GLIS3: variants seen among roughly 807,000 people sequenced by gnomAD.
The protein encoded by GLIS3 is GLIS family zinc finger 3.
A neutral mutation model predicts 78.6 loss-of-function variants in GLIS3; 53 were observed. That is an observed-to-expected ratio of 0.67 (90% CI 0.54 to 0.85). The LOEUF (loss-of-function observed/expected upper bound fraction) is 0.85, where lower values mean the gene tolerates loss of function less well. GLIS3 is among the 40% of genes least tolerant of loss of function. The probability of loss-of-function intolerance (pLI) is 0.00; values close to 1 mark genes in which losing one functional copy is unlikely to be tolerated. For synonymous variants in GLIS3, 684 were observed against 509.9 expected (o/e 1.34, Z -4.60); for missense variants, 1,703 against 1,231.1 (o/e 1.38, Z -5.74).
intron 4 of GLIS3, among the ~76,000 whole-genome samples, chr9:4,057,206 C>A (rs1189516036): frequency 6.6e-6 from 1 of 152,114 alleles, no homozygotes; most frequent in Non-Finnish European, 1.5e-5. Context: ...GCCATGCAGT[C>A]CCATCGGCCC....
At chr9:4,334,359 G>T (rs963601319) in intron 2 of GLIS3, among the ~76,000 whole-genome samples, 25 of 152,194 alleles carry the variant, frequency 1.6e-4, no homozygotes, top group African/African-American at 6.0e-4. Flanking sequence ...CAGCTACAGA[G>T]TATGTGGGTA....
At chr9:3,856,458 G>C (rs1819798254) in intron 8 of GLIS3, among the ~76,000 whole-genome samples, 1 of 152,164 alleles carries the variant, frequency 6.6e-6, no homozygotes, top group African/African-American at 2.4e-5. Context: ...TTTCTAAGCT[G>C]CATTTCAAAT....
chr9:3,830,595 C>A (rs1817989155), intron 9 of GLIS3, among the ~76,000 whole-genome samples: 1 of 152,128 alleles, frequency 6.6e-6, no homozygotes. Context: ...TATCACTATT[C>A]TGGTTTTGAT....
chr9:4,283,257 TTTTG>T (rs1827712598), intron 2 of GLIS3, among the ~76,000 whole-genome samples: 1 of 81,964 alleles, frequency 1.2e-5, no homozygotes, highest in Admixed American at 1.4e-4. Context: ...TGTGCTGTTT[TTTTG>T]TTTTTTTGTT....
intron 6 of GLIS3, among the ~76,000 whole-genome samples, chr9:3,914,573 T>A (rs1166042879): frequency 6.6e-6 from 1 of 152,212 alleles, no homozygotes; most frequent in East Asian, 1.9e-4. Context: ...TGAGCAATCC[T>A]TCCAATAGGA....
the GLIS3 span, among the ~76,000 whole-genome samples, chr9:4,474,566 G>A: frequency 6.6e-6 from 1 of 152,140 alleles, no homozygotes; most frequent in African/African-American, 2.4e-5. Flanking sequence ...ATAGATTTTA[G>A]ATTGAAATGA....
intron 4 of GLIS3, among the ~76,000 whole-genome samples, chr9:4,062,088 C>A (rs1201888106): frequency 6.6e-6 from 1 of 152,236 alleles, no homozygotes; most frequent in Non-Finnish European, 1.5e-5. Context: ...GACTGAATTA[C>A]TTCCTTGCCA....
At chr9:4,119,731 ATTC>A (rs1231889716) in intron 3 of GLIS3, among the ~76,000 whole-genome samples, 7 of 152,162 alleles carry the variant, frequency 4.6e-5, no homozygotes, top group Admixed American at 6.5e-5. Context: ...TTCCTCTCCT[ATTC>A]TTCTTACCCT....
intron 2 of GLIS3, among the ~76,000 whole-genome samples, chr9:4,147,924 A>G (rs1834356513): frequency 6.6e-6 from 1 of 152,216 alleles, no homozygotes; most frequent in Non-Finnish European, 1.5e-5. Flanking sequence ...CACAAAGGTA[A>G]GTCAACTTAC....
intron 2 of GLIS3, among the ~76,000 whole-genome samples, chr9:4,328,291 C>A (rs934727192): frequency 2.6e-5 from 4 of 152,178 alleles, no homozygotes; most frequent in African/African-American, 9.7e-5. Flanking sequence ...GCTGTGGCCC[C>A]TGAAGAAGAG....
At chr9:4,255,862 G>C (rs376112740) in intron 2 of GLIS3, among the ~76,000 whole-genome samples, 7 of 152,032 alleles carry the variant, frequency 4.6e-5, no homozygotes, top group African/African-American at 1.7e-4. Context: ...TATGGACTCT[G>C]GGTAATCATG....
At chr9:4,235,134 T>C (rs1437736074) in intron 2 of GLIS3, among the ~76,000 whole-genome samples, 1 of 151,890 alleles carries the variant, frequency 6.6e-6, no homozygotes, top group East Asian at 1.9e-4. Flanking sequence ...CTGTCTCTAC[T>C]AAAAATTTAA....
intron 4 of GLIS3, among the ~76,000 whole-genome samples, chr9:4,046,494 C>T (rs1299425917): frequency 6.6e-6 from 1 of 152,130 alleles, no homozygotes; most frequent in African/African-American, 2.4e-5. Context: ...CAGCAGCACA[C>T]AGAAATGCTC....
intron 4 of GLIS3, among the ~76,000 whole-genome samples, chr9:4,057,216 C>T (rs1286434760): frequency 2.0e-5 from 3 of 152,092 alleles, no homozygotes; most frequent in East Asian, 3.9e-4. Context: ...CCCATCGGCC[C>T]CTACCCTTAG....
At chr9:4,406,456 G>A in the GLIS3 span, among the ~76,000 whole-genome samples, 1 of 152,138 alleles carries the variant, frequency 6.6e-6, no homozygotes, top group African/African-American at 2.4e-5. Context: ...AAGTAGCTGG[G>A]TTTACAGGCA....
rs1817660297 is a variant in GLIS3, at chr9:3,825,140, A to T, written c.*3132T>A. ...TTTATCCTTGCTCAAAATTGGTTTTAGGGGCTACTGTGCTTGACGGCTGGT... is the reference window on the plus strand; with the variant it reads ...TTTATCCTTGCTCAAAATTGGTTTTTGGGGCTACTGTGCTTGACGGCTGGT... On this transcript the variant is annotated 3_prime_UTR_variant, in exon 11 of 11. Transcript: ENST00000381971. The T allele has an allele frequency of 6.6e-6, 1 of 152,196 alleles. No individual in the cohort carries two copies. Among genetic ancestry groups the T allele is most frequent in the African/African-American group, 2.4e-5 (1 of 41,458 alleles). The allele number at this position is 152,196 out of a possible 1,614,324, so 9.4% of individuals were successfully genotyped here.
At chr9:4,372,361 G>C in the GLIS3 span, among the ~76,000 whole-genome samples, 2 of 151,798 alleles carry the variant, frequency 1.3e-5, no homozygotes, top group Non-Finnish European at 2.9e-5. Context: ...TGACATCTTG[G>C]GGCTTTGTGG....
At chr9:4,395,877 G>T in the GLIS3 span, among the ~76,000 whole-genome samples, 1 of 150,756 alleles carries the variant, frequency 6.6e-6, no homozygotes, top group Non-Finnish European at 1.5e-5. Flanking sequence ...TAGTTCAAGC[G>T]ATTCTCCTGC....
intron 4 of GLIS3, among the ~76,000 whole-genome samples, chr9:4,030,023 C>G (rs1443713184): frequency 6.6e-6 from 1 of 152,184 alleles, no homozygotes; most frequent in Non-Finnish European, 1.5e-5. Context: ...AATCTCCAAA[C>G]TGTTCTCCAC....
Sources: allele counts gnomAD v4.1 joint callset (sites outside exome capture counted in the v4.1 genomes callset), GRCh38; gene constraint gnomAD v4.1.1; transcripts MANE v1.5; gene names NCBI Gene and HGNC (gene_info 2026-07-23, HGNC 2026-07-21).